MAML2: variants seen among roughly 807,000 people sequenced by gnomAD.
MAML2 encodes mastermind like transcriptional coactivator 2, also known as mastermind-like protein 2.
MAML2 carries 22 observed loss-of-function variants against 96.1 expected under a neutral mutation model. That is an observed-to-expected ratio of 0.23 (90% CI 0.16 to 0.33). MAML2 has a LOEUF of 0.33. Among genes scored for constraint, MAML2 ranks in the 10% least tolerant of loss-of-function variants. MAML2 has a pLI of 1.00. For missense variants in MAML2, 1,367 were observed against 1,392.4 expected (o/e 0.98, Z 0.29); for synonymous variants, 561 against 521.3 (o/e 1.08, Z -1.04).
intron 1 of MAML2, among the ~76,000 whole-genome samples, chr11:96,193,356 G>A (rs1315627254): frequency 6.6e-6 from 1 of 152,114 alleles, no homozygotes; most frequent in Admixed American, 6.5e-5. Context: ...GCGACAGGGC[G>A]AGACTCCATT....
In MAML2 at chr11:96,092,683, G is replaced by T; in HGVS notation, c.1348C>A (p.Gln450Lys). The T allele has an allele frequency of 6.2e-7, 1 of 1,614,012 alleles. No individual in the cohort carries two copies. The highest frequency in any genetic ancestry group is 8.5e-7 in the Non-Finnish European group (1 of 1,179,896). Residue 450 changes from glutamine (Q) to lysine (K), a missense_variant, in exon 2 of 5, where the codon CAG becomes AAG. By Grantham distance (53) the Gln-to-Lys change is moderately conservative. Transcript: ENST00000524717. The surrounding 1 kb of genome is among the most constrained non-coding windows in gnomAD (Gnocchi z 4.1). ...GGCTGGTGCTGCTGCTGGTGCTGCT[G>T]CATCCGGGCATGCTGCTGACGATTA... ...AANRQQHARMQQHQQQHQPTN... is the reference protein window; with the variant it reads ...AANRQQHARMKQHQQQHQPTN...
chr11:96,285,248 A>G (rs1863123055), intron 1 of MAML2, among the ~76,000 whole-genome samples: 1 of 152,182 alleles, frequency 6.6e-6, no homozygotes, highest in Non-Finnish European at 1.5e-5. Flanking sequence ...CCTTACTTAG[A>G]ATATGAATCC....
At chr11:95,980,251 G>A (rs939570158) in intron 4 of MAML2, among the ~76,000 whole-genome samples, 2 of 152,104 alleles carry the variant, frequency 1.3e-5, no homozygotes, top group Non-Finnish European at 2.9e-5. Flanking sequence ...ATTGAAGGGA[G>A]GTAATAGTCA....
intron 1 of MAML2, among the ~76,000 whole-genome samples, chr11:96,171,458 A>G (rs1261714171): frequency 1.3e-5 from 2 of 152,144 alleles, no homozygotes; most frequent in African/African-American, 4.8e-5. Context: ...CTGCAATCCA[A>G]TGAGGGCATC....
At chr11:96,118,116 A>G (rs1028502188) in intron 1 of MAML2, among the ~76,000 whole-genome samples, 3 of 152,228 alleles carry the variant, frequency 2.0e-5, no homozygotes, top group African/African-American at 7.2e-5. Context: ...TGGTAGAGGA[A>G]GCAAACATAT....
chr11:96,110,402 A>C (rs1860097662), intron 1 of MAML2, among the ~76,000 whole-genome samples: 2 of 152,190 alleles, frequency 1.3e-5, no homozygotes. Flanking sequence ...TAATTCTTTC[A>C]CTTTATGTTG....
chr11:95,988,369 C>T (rs1857861431), intron 3 of MAML2, among the ~76,000 whole-genome samples: 1 of 151,622 alleles, frequency 6.6e-6, no homozygotes, highest in African/African-American at 2.4e-5. Context: ...AGCGATTCTT[C>T]TGCCTCAGTC....
intron 1 of MAML2, among the ~76,000 whole-genome samples, chr11:96,123,734 C>T (rs1361339815): frequency 6.6e-6 from 1 of 152,020 alleles, no homozygotes; most frequent in Admixed American, 6.5e-5. Context: ...ACAGTGTGCA[C>T]AGATGGGGAA....
intron 1 of MAML2, among the ~76,000 whole-genome samples, chr11:96,248,329 C>T (rs1862538054): frequency 6.6e-6 from 1 of 150,916 alleles, no homozygotes; most frequent in Non-Finnish European, 1.5e-5. Flanking sequence ...CCAGACTAGT[C>T]TCCAACTCCT....
Position 96,093,302 on chromosome 11 carries a change from A to G in MAML2, c.729T>C (p.Thr243=), listed in dbSNP as rs1373693066. ...AATGTGTATGGGATGGCAGAGTGTT[A>G]GTCTTTCGCAGGGGTGCTTGGCTCA... is the stretch of plus-strand genomic sequence containing the variant. ...LPMSQAPLRK[T]NTLPSHTHSP... is the part of the protein sequence containing the mutation. Residue 243 remains threonine (T), a synonymous_variant, in exon 2 of 5, where the codon ACT becomes ACC. Coordinates refer to ENST00000524717, the MANE Select transcript of MAML2 (RefSeq NM_032427.4). The G allele has an allele frequency of 1.2e-6, 2 of 1,613,982 alleles. No individual in the cohort carries two copies. The highest frequency in any genetic ancestry group is 1.7e-5 in the Admixed American group (1 of 60,020).
At chr11:96,236,088 T>C (rs1862363718) in intron 1 of MAML2, among the ~76,000 whole-genome samples, 1 of 152,204 alleles carries the variant, frequency 6.6e-6, no homozygotes, top group African/African-American at 2.4e-5. Flanking sequence ...AAGGAGCACT[T>C]TGAATTCATG....
At chr11:96,340,193 C>A (rs145064054) in intron 1 of MAML2, among the ~76,000 whole-genome samples, 2 of 152,196 alleles carry the variant, frequency 1.3e-5, no homozygotes, top group African/African-American at 4.8e-5. Flanking sequence ...TGTCCTCTCC[C>A]GAGAGCTCAA....
intron 1 of MAML2, among the ~76,000 whole-genome samples, chr11:96,224,520 T>A (rs1332139542): frequency 4.6e-5 from 7 of 152,240 alleles, no homozygotes; most frequent in Non-Finnish European, 1.5e-5. Flanking sequence ...TTCCAAGATG[T>A]CTTCTCATCT....
chr11:96,095,143 T>C (rs1387585641), intron 1 of MAML2, among the ~76,000 whole-genome samples: 2 of 152,146 alleles, frequency 1.3e-5, no homozygotes, highest in African/African-American at 4.8e-5. Context: ...CATATGTCAT[T>C]TACACTCTAA....
In MAML2 at chr11:95,978,355, A is replaced by C. The variant is rs1857680276; in HGVS notation, c.*593T>G. ...TTGTGGGAAAATTGTAAAAGTGAGG[A>C]GTGAATATGGGGAAGAAATTCTGTA... is the stretch of plus-strand genomic sequence containing the variant. On this transcript the variant is annotated 3_prime_UTR_variant, in exon 5 of 5. Coordinates refer to ENST00000524717, the MANE Select transcript of MAML2 (RefSeq NM_032427.4). 5.1e-6 allele frequency: 1 copy of C among 197,524 alleles called. No individual in the cohort carries two copies. Among genetic ancestry groups the C allele is most frequent in the Non-Finnish European group, 1.0e-5 (1 of 95,382 alleles). 12.2% of individuals were successfully genotyped at this position (197,524 alleles called of 1,614,324 possible).
At chr11:96,130,563 G>A (rs573791300) in intron 1 of MAML2, among the ~76,000 whole-genome samples, 11 of 152,180 alleles carry the variant, frequency 7.2e-5, no homozygotes, top group Non-Finnish European at 1.5e-4. Context: ...TCTATAAGTT[G>A]GATTTTAGTT....
chr11:96,278,374 G>C (rs1328388664), intron 1 of MAML2, among the ~76,000 whole-genome samples: 1 of 152,172 alleles, frequency 6.6e-6, no homozygotes, highest in African/African-American at 2.4e-5. Context: ...CATTTACCAA[G>C]TACTTTTTCT....
intron 1 of MAML2, among the ~76,000 whole-genome samples, chr11:96,280,678 A>G (rs929852250): frequency 2.6e-5 from 4 of 152,224 alleles, no homozygotes; most frequent in Non-Finnish European, 4.4e-5. Flanking sequence ...TTCACTACTT[A>G]CAGACTACCA....
intron 1 of MAML2, among the ~76,000 whole-genome samples, chr11:96,239,615 A>G (rs956352419): frequency 7.2e-5 from 11 of 152,200 alleles, no homozygotes; most frequent in Non-Finnish European, 1.3e-4. Flanking sequence ...CAAGAAAAAA[A>G]AAAGTAGAAA....
Sources: gnomAD v4.1 joint callset for allele counts (sites outside exome capture counted in the v4.1 genomes callset) on GRCh38, gnomAD v4.1.1 for gene constraint, Gnocchi (gnomAD v3.1) non-coding constraint, MANE v1.5 for transcripts, NCBI Gene and HGNC (gene_info 2026-07-23, HGNC 2026-07-21) for gene names.